The following POLR3B variants were observed in gnomAD, a reference collection of about 807,000 sequenced individuals.
POLR3B encodes the protein DNA-directed RNA polymerase III subunit RPC2.
In POLR3B, 96 loss-of-function variants were observed where a neutral mutation model predicts 147.4. That is an observed-to-expected ratio of 0.65 (90% CI 0.55 to 0.77). The LOEUF (loss-of-function observed/expected upper bound fraction) is 0.77, where lower values mean the gene tolerates loss of function less well. Ranked by LOEUF, POLR3B falls within the 30% of genes least tolerant of loss-of-function variation. The pLI, the probability that POLR3B is intolerant of heterozygous loss-of-function variation, is 0.00. For missense variants in POLR3B, 1,036 were observed against 1,413.5 expected (o/e 0.73, Z 4.28); for synonymous variants, 461 against 485.9 (o/e 0.95, Z 0.67).
intron 10 of POLR3B, among the ~76,000 whole-genome samples, chr12:106,398,980 G>C (rs1377073475): frequency 6.6e-6 from 1 of 152,190 alleles, no homozygotes; most frequent in Non-Finnish European, 1.5e-5. Context: ...AAAGCTGAAC[G>C]GAGAATGACT....
chr12:106,432,945 C>A (rs1179888901), intron 15 of POLR3B, among the ~76,000 whole-genome samples: 1 of 152,200 alleles, frequency 6.6e-6, no homozygotes, highest in Non-Finnish European at 1.5e-5. Flanking sequence ...TATACCTCTT[C>A]CCGTCTCCTT....
intron 25 of POLR3B, among the ~76,000 whole-genome samples, chr12:106,499,229 G>T (rs1040713521): frequency 4.6e-5 from 7 of 152,024 alleles, no homozygotes; most frequent in African/African-American, 1.7e-4. Context: ...CAGAAATAAG[G>T]CACATTTTTG....
chr12:106,475,869 T>C (rs1226004185), intron 23 of POLR3B, among the ~76,000 whole-genome samples: 7 of 151,548 alleles, frequency 4.6e-5, no homozygotes, highest in African/African-American at 1.7e-4. Context: ...CATTTACATT[T>C]AAAGTTAATA....
Position 106,369,445 on chromosome 12 carries a change from G to C in POLR3B, c.303+95G>C, listed in dbSNP as rs142842394. 1,907 of 949,476 alleles carry C rather than the reference G, an allele frequency of 2.0e-3. 15 individuals are homozygous for C. The highest frequency in any genetic ancestry group is 4.4e-3 in the African/African-American group (274 of 62,132). 58.8% of individuals were successfully genotyped at this position (949,476 alleles called of 1,614,324 possible). On this transcript the variant is annotated intron_variant, in intron 5 of 27. Transcript: ENST00000228347. ...TAAAAGATCATTTAAAAATGGGATG[G>C]GGGGGGACATTCTTTGGAGAAAAAG...
chr12:106,428,548 G>A (rs1157925511), intron 13 of POLR3B, among the ~76,000 whole-genome samples: 1 of 152,080 alleles, frequency 6.6e-6, no homozygotes, highest in Non-Finnish European at 1.5e-5. Context: ...CAGAATACAA[G>A]AACAAATTCT....
intron 6 of POLR3B, among the ~76,000 whole-genome samples, chr12:106,372,593 G>A (rs570912355): frequency 9.2e-5 from 14 of 151,966 alleles, no homozygotes; most frequent in African/African-American, 2.9e-4. Flanking sequence ...CACTCGCCTC[G>A]GTCTCCCAAA....
chr12:106,483,300 C>T (rs1291124916), intron 23 of POLR3B, among the ~76,000 whole-genome samples: 1 of 152,204 alleles, frequency 6.6e-6, no homozygotes, highest in East Asian at 1.9e-4. Flanking sequence ...CACCCACGTC[C>T]ATCCCAGGCA....
At chr12:106,495,957 G>A in intron 23 of POLR3B, 98 bp from the exon 24 acceptor site, 1 of 804,016 alleles carries the variant, frequency 1.2e-6, no homozygotes, top group Non-Finnish European at 2.3e-6. Flanking sequence ...TTTTAGAGCA[G>A]TGGAAATAGA....
intron 23 of POLR3B, among the ~76,000 whole-genome samples, chr12:106,476,873 A>C (rs1208135687): frequency 6.6e-6 from 1 of 152,066 alleles, no homozygotes; most frequent in Non-Finnish European, 1.5e-5. Context: ...CAGCTCGTCA[A>C]AATCATTCTC....
intron 23 of POLR3B, among the ~76,000 whole-genome samples, chr12:106,489,162 C>A (rs534131543): frequency 2.0e-5 from 3 of 152,244 alleles, no homozygotes; most frequent in Admixed American, 2.0e-4. Flanking sequence ...TGTATTTGAG[C>A]AAGAGTGTTT....
At chr12:106,395,229 A>G (rs2036964138) in intron 10 of POLR3B, among the ~76,000 whole-genome samples, 1 of 152,154 alleles carries the variant, frequency 6.6e-6, no homozygotes, top group South Asian at 2.1e-4. Context: ...CTTTCCTCAA[A>G]AAAAGAAATA....
intron 12 of POLR3B, among the ~76,000 whole-genome samples, chr12:106,424,631 G>A (rs2037413310): frequency 6.6e-6 from 1 of 151,886 alleles, no homozygotes; most frequent in Admixed American, 6.6e-5. Flanking sequence ...TTTTTTTTAA[G>A]CCTGTTTGCA....
At chr12:106,406,049 G>A (rs2037147100) in intron 11 of POLR3B, 73 bp downstream of exon 11, 1 of 1,528,260 alleles carries the variant, frequency 6.5e-7, no homozygotes, top group Non-Finnish European at 9.1e-7. Flanking sequence ...TGTGATAAGA[G>A]TTTACCTTAT....
chr12:106,389,149 C>T (rs1340300584), intron 9 of POLR3B, among the ~76,000 whole-genome samples: 2 of 152,194 alleles, frequency 1.3e-5, no homozygotes, highest in Admixed American at 1.3e-4. Context: ...ATTTTGCTGT[C>T]GTTTCCATAG....
chr12:106,459,149 G>C, intron 21 of POLR3B, 102 bp from the exon 22 acceptor site: 1 of 760,640 alleles, frequency 1.3e-6, no homozygotes, highest in Non-Finnish European at 2.4e-6. Flanking sequence ...GCAGCCTCCT[G>C]AGTTGTTGGG....
chr12:106,438,360 C>A (rs1157304027), intron 18 of POLR3B, among the ~76,000 whole-genome samples: 5 of 151,990 alleles, frequency 3.3e-5, no homozygotes, highest in Admixed American at 3.3e-4. Flanking sequence ...AAGCAGCTAA[C>A]AAGTCATCTT....
chr12:106,387,917 T>C (rs1233352318), intron 9 of POLR3B, among the ~76,000 whole-genome samples: 1 of 152,180 alleles, frequency 6.6e-6, no homozygotes, highest in Non-Finnish European at 1.5e-5. Context: ...GTCTTTATGG[T>C]CAGAAACCCG....
Position 106,504,338 on chromosome 12 carries a change from A to G in POLR3B, c.3272+84A>G. 1.8e-6 allele frequency: 2 copies of G among 1,098,804 alleles called. No homozygotes were observed. The highest frequency in any genetic ancestry group is 2.5e-5 in the South Asian group (2 of 80,360). The allele number at this position is 1,098,804 out of a possible 1,614,324, so 68.1% of individuals were successfully genotyped here. ...AGAATTGACCCTGGATCCTATCCGC[A>G]TATTCTCCAGCCTCTGTCTGTGATC... On this transcript the variant is annotated intron_variant, in intron 27 of 27. Transcript: ENST00000228347. The surrounding 1 kb of genome is among the most constrained non-coding windows in gnomAD (Gnocchi z 4.6).
chr12:106,419,930 T>G (rs1300770645), intron 12 of POLR3B, among the ~76,000 whole-genome samples: 3 of 151,660 alleles, frequency 2.0e-5, no homozygotes, highest in African/African-American at 7.3e-5. Flanking sequence ...GTTTTGTGGG[T>G]CAAGAATTCA....
Sources: gnomAD v4.1 joint callset for allele counts (sites outside exome capture counted in the v4.1 genomes callset) on GRCh38, gnomAD v4.1.1 for gene constraint, Gnocchi (gnomAD v3.1) non-coding constraint, MANE v1.5 for transcripts, NCBI Gene and HGNC (gene_info 2026-07-23, HGNC 2026-07-21) for gene names.